The following EPM2A variants were observed in gnomAD, a reference collection of about 807,000 sequenced individuals.
EPM2A encodes the protein laforin.
In EPM2A, 21 loss-of-function variants were observed where a neutral mutation model predicts 26.5. That is an observed-to-expected ratio of 0.79 (90% CI 0.56 to 1.14). The LOEUF (loss-of-function observed/expected upper bound fraction) is 1.14, where lower values mean the gene tolerates loss of function less well. Ranked by LOEUF, EPM2A falls within the 50% of genes most tolerant of loss-of-function variation. The pLI is 0.00. For missense variants in EPM2A, 458 were observed against 440.8 expected (o/e 1.04, Z -0.35); for synonymous variants, 217 against 177.6 (o/e 1.22, Z -1.76).
In EPM2A at chr6:145,479,230, A is replaced by G. The variant is rs142965155; in HGVS notation, c.555+23292T>C. Among the ~76,000 whole-genome samples, 741 of 147,970 alleles carry G rather than the reference A, an allele frequency of 5.0e-3. 4 individuals are homozygous for G. Among genetic ancestry groups the G allele is most frequent in the Admixed American group, 0.011 (164 of 14,744 alleles). On this transcript the variant is annotated intron_variant, in intron 4 of 4. Transcript: ENST00000638717. ...CCAAATTTTTTTATTTTAGTAAAATATATATATATAAAATAAAATTAGCCA... is the reference window on the plus strand; with the variant it reads ...CCAAATTTTTTTATTTTAGTAAAATGTATATATATAAAATAAAATTAGCCA...
intron 1 of EPM2A, chr6:145,734,679 T>TG (rs1355092175): frequency 1.3e-5 from 2 of 152,242 alleles, no homozygotes; most frequent in Non-Finnish European, 2.9e-5. Context: ...TGGATCGTTT[T>TG]GGGTTTTTTT....
At chr6:145,640,273 G>C (rs985640480) in intron 2 of EPM2A, 2 of 152,188 alleles carry the variant, frequency 1.3e-5, no homozygotes, top group Non-Finnish European at 2.9e-5. Context: ...AAGGTATTGG[G>C]AGACAAGTCC....
At chr6:145,632,055 C>G (rs909956802) in intron 3 of EPM2A, 1 of 152,126 alleles carries the variant, frequency 6.6e-6, no homozygotes. Context: ...TCCTACAATT[C>G]CAACTTTGTG....
intron 2 of EPM2A, among the ~76,000 whole-genome samples, chr6:145,663,625 C>A (rs1227659471): frequency 1.3e-5 from 2 of 151,010 alleles, no homozygotes; most frequent in Non-Finnish European, 3.0e-5. Context: ...CCCAATCTAG[C>A]AAGGTAGGCC....
chr6:145,655,846 C>T (rs532316220), intron 2 of EPM2A, among the ~76,000 whole-genome samples: 5 of 152,208 alleles, frequency 3.3e-5, no homozygotes, highest in African/African-American at 1.2e-4. Flanking sequence ...GTTATAAATA[C>T]ATGAATGTGT....
In EPM2A at chr6:145,464,841, T is replaced by C. The variant is rs541180641; in HGVS notation, c.555+37681A>G. On this transcript the variant is annotated intron_variant, in intron 4 of 4. Coordinates refer to the EPM2A transcript ENST00000638717. ...TTCAAAGCCCTAAATTATAAATAAA[T>C]CTGCTGTAAGTCTGATGGGCTTCCC... 3.9e-5 allele frequency among the ~76,000 whole-genome samples: 6 copies of C among 152,280 alleles called. No homozygotes were observed. In the East Asian group the frequency reaches 9.6e-4, roughly 24 times the overall value.
At chr6:145,557,738 G>A (rs115643851) in intron 2 of EPM2A, among the ~76,000 whole-genome samples, 5,329 of 152,054 alleles carry the variant, frequency 0.035, 313 homozygotes, top group African/African-American at 0.12. Flanking sequence ...TTTATTGTGA[G>A]AACACTTAAA....
intron 2 of EPM2A, among the ~76,000 whole-genome samples, chr6:145,541,905 C>A (rs755318150): frequency 1.3e-5 from 2 of 151,286 alleles, no homozygotes; most frequent in Admixed American, 1.3e-4. Context: ...AGTAATATGT[C>A]GATTTTTGGA....
intron 1 of EPM2A, among the ~76,000 whole-genome samples, chr6:145,687,866 G>C (rs1232869368): frequency 1.3e-5 from 2 of 151,930 alleles, no homozygotes; most frequent in Admixed American, 6.6e-5. Flanking sequence ...ACTACAAGGT[G>C]CTGCACCACA....
chr6:145,433,446 C>T (rs570810223), intron 4 of EPM2A, among the ~76,000 whole-genome samples: 28 of 152,198 alleles, frequency 1.8e-4, no homozygotes, highest in South Asian at 8.3e-4. Flanking sequence ...ATTCTGTATA[C>T]TCCTTTCATA....
intron 2 of EPM2A, among the ~76,000 whole-genome samples, chr6:145,507,860 G>A (rs570621177): frequency 2.0e-5 from 3 of 152,136 alleles, no homozygotes; most frequent in Admixed American, 6.5e-5. Context: ...TACAGCCAGG[G>A]ACAGCTTTGT....
intron 2 of EPM2A, among the ~76,000 whole-genome samples, chr6:145,533,014 T>G (rs373321): frequency 6.6e-6 from 1 of 151,916 alleles, no homozygotes; most frequent in Non-Finnish European, 1.5e-5. Context: ...TATATATTCA[T>G]TTGCTTATCT....
In EPM2A at chr6:145,510,617, C is replaced by T. The variant is rs568954897; in HGVS notation, c.341-8042G>A. The stretch of plus-strand genomic sequence containing the variant: ...GTGTTTAAGGGGAATATTTATAGTG[C>T]TAAATGCCTACATTAAGAAGATGGA... On this transcript the variant is annotated intron_variant, in intron 2 of 3. Transcript: ENST00000450221. Among the ~76,000 whole-genome samples the T allele has an allele frequency of 6.4e-4, 97 of 152,154 alleles. No individual in the cohort carries two copies. In the South Asian group the frequency reaches 9.6e-3, roughly 15 times the overall value.
chr6:145,514,708 G>A (rs1351942050), intron 2 of EPM2A, among the ~76,000 whole-genome samples: 1 of 152,092 alleles, frequency 6.6e-6, no homozygotes, highest in East Asian at 1.9e-4. Flanking sequence ...TCATAACTAA[G>A]AAGAACTGCT....
intron 2 of EPM2A, among the ~76,000 whole-genome samples, chr6:145,591,872 T>C (rs2128548028): frequency 6.6e-6 from 1 of 151,474 alleles, no homozygotes; most frequent in South Asian, 2.1e-4. Flanking sequence ...GTAAAGCAAA[T>C]GAAAAAGGTA....
chr6:145,595,429 T>C (rs543120662), intron 2 of EPM2A, among the ~76,000 whole-genome samples: 28 of 151,954 alleles, frequency 1.8e-4, no homozygotes, highest in African/African-American at 4.8e-4. Flanking sequence ...AAAAAACTTA[T>C]AGCAACTCAG....
intron 2 of EPM2A, among the ~76,000 whole-genome samples, chr6:145,563,481 G>C (rs919349659): frequency 1.3e-5 from 2 of 151,888 alleles, no homozygotes; most frequent in African/African-American, 4.8e-5. Flanking sequence ...AGAGGCCAGA[G>C]CATGCAGGGC....
At chr6:145,681,185 G>A (rs1254098804) in intron 2 of EPM2A, among the ~76,000 whole-genome samples, 3 of 149,558 alleles carry the variant, frequency 2.0e-5, no homozygotes, top group Non-Finnish European at 3.0e-5. Context: ...CTGCATAAAT[G>A]TCTTCTTTTG....
At chr6:145,522,777 T>C (rs1413177445) in intron 2 of EPM2A, among the ~76,000 whole-genome samples, 1 of 152,182 alleles carries the variant, frequency 6.6e-6, no homozygotes, top group East Asian at 1.9e-4. Flanking sequence ...TCCCTCACCT[T>C]TTGCTAATTA....
Sources: allele counts gnomAD v4.1 joint callset (sites outside exome capture counted in the v4.1 genomes callset), GRCh38; gene constraint gnomAD v4.1.1; transcripts MANE v1.5; gene names NCBI Gene and HGNC (gene_info 2026-07-23, HGNC 2026-07-21).